Variants in ITSN1 observed in about 807,000 individuals in gnomAD.
The protein encoded by ITSN1 is intersectin 1.
ITSN1 carries 58 observed loss-of-function variants against 239.8 expected under a neutral mutation model. The observed-to-expected ratio is 0.24, with a 90% confidence interval of 0.20 to 0.30. The LOEUF is 0.30. ITSN1 is among the 10% of genes least tolerant of loss of function. ITSN1 has a pLI of 1.00. For missense variants in ITSN1, 1,558 were observed against 2,103.3 expected, an observed-to-expected ratio of 0.74 and a Z score of 5.07; for synonymous variants, 780 against 770.8, an observed-to-expected ratio of 1.01 and a Z score of -0.20.
rs9984662 is a variant in ITSN1, at chr21:33,892,504, C to A, written c.*4204C>A. ...TTTTCAGTTCATTTGTTCAAATGAC[C>A]CAGAAGATGAATCCATTTCTGGGAA... On this transcript the variant is annotated 3_prime_UTR_variant, in exon 40 of 40. Transcript: ENST00000381318. 0.32 allele frequency: 48,969 copies of A among 151,992 alleles called. 8,037 individuals are homozygous for A. Among genetic ancestry groups the A allele is most frequent in the African/African-American group, 0.39 (16,151 of 41,428 alleles). The allele number at this position is 151,992 out of a possible 1,614,324, so 9.4% of individuals were successfully genotyped here.
chr21:33,748,458 G>GA (rs776478365), intron 5 of ITSN1, among the ~76,000 whole-genome samples: 1 of 150,744 alleles, frequency 6.6e-6, no homozygotes, highest in African/African-American at 2.4e-5. Flanking sequence ...AATAATAAAA[G>GA]AAAAAAAAGA....
intron 1 of ITSN1, among the ~76,000 whole-genome samples, chr21:33,676,537 C>A (rs755825849): frequency 2.0e-5 from 3 of 152,172 alleles, no homozygotes; most frequent in Non-Finnish European, 2.9e-5. Flanking sequence ...CTCTGCCACA[C>A]TTCCATGATT....
chr21:33,860,980 G>T (rs964464863), intron 31 of ITSN1, among the ~76,000 whole-genome samples: 9 of 152,120 alleles, frequency 5.9e-5, no homozygotes, highest in Middle Eastern at 3.2e-3. Context: ...CCATCCCAAG[G>T]TTCTCTATCC....
chr21:33,650,043 A>AG (rs892624448), intron 1 of ITSN1, among the ~76,000 whole-genome samples: 5 of 151,818 alleles, frequency 3.3e-5, no homozygotes, highest in African/African-American at 1.2e-4. Context: ...AAAAAAAAAA[A>AG]AAAGAAAGAA....
At chr21:33,653,000 T>C (rs1390033177) in intron 1 of ITSN1, among the ~76,000 whole-genome samples, 1 of 149,800 alleles carries the variant, frequency 6.7e-6, no homozygotes, top group Non-Finnish European at 1.5e-5. Flanking sequence ...GGAAGTTCTT[T>C]TTTTTTTTTT....
intron 20 of ITSN1, among the ~76,000 whole-genome samples, chr21:33,807,538 A>G (rs1427360942): frequency 2.0e-5 from 3 of 152,142 alleles, no homozygotes; most frequent in African/African-American, 7.2e-5. Flanking sequence ...GGGTTTCACC[A>G]GCCTGAAACT....
intron 22 of ITSN1, among the ~76,000 whole-genome samples, chr21:33,815,916 G>A (rs898841137): frequency 2.6e-5 from 4 of 152,144 alleles, no homozygotes; most frequent in Non-Finnish European, 5.9e-5. Flanking sequence ...GGGCCGGCGC[G>A]GTGGCTCATG....
chr21:33,720,376 C>T (rs1055898125), intron 2 of ITSN1, among the ~76,000 whole-genome samples: 2 of 152,118 alleles, frequency 1.3e-5, no homozygotes, highest in African/African-American at 4.8e-5. Context: ...TGGAAGGTGT[C>T]CGAGCTTTTG....
chr21:33,754,797 C>G (rs1286543024), intron 7 of ITSN1, among the ~76,000 whole-genome samples: 3 of 152,326 alleles, frequency 2.0e-5, no homozygotes, highest in Non-Finnish European at 4.4e-5. Context: ...TGAATTTAAA[C>G]TTACCAGAAT....
intron 1 of ITSN1, among the ~76,000 whole-genome samples, chr21:33,672,320 C>G (rs1401652605): frequency 6.6e-6 from 1 of 151,970 alleles, no homozygotes; most frequent in East Asian, 1.9e-4. Flanking sequence ...TTCTATCATA[C>G]AATTAGTACA....
intron 1 of ITSN1, among the ~76,000 whole-genome samples, chr21:33,707,427 A>T (rs905063279): frequency 6.6e-6 from 1 of 152,142 alleles, no homozygotes; most frequent in South Asian, 2.1e-4. Flanking sequence ...TTAAATGTGT[A>T]TATTTAAAAA....
At chr21:33,650,416 C>A (rs1214829666) in intron 1 of ITSN1, among the ~76,000 whole-genome samples, 1 of 152,116 alleles carries the variant, frequency 6.6e-6, no homozygotes, top group Non-Finnish European at 1.5e-5. Flanking sequence ...TGTCTGTTTG[C>A]CTGTGTGTGT....
At chr21:33,732,863 T>C (rs558552202) in intron 4 of ITSN1, among the ~76,000 whole-genome samples, 35 of 152,302 alleles carry the variant, frequency 2.3e-4, no homozygotes, top group Admixed American at 5.9e-4. Flanking sequence ...TTCTTCAGAA[T>C]ACATTTAGCA....
intron 3 of ITSN1, among the ~76,000 whole-genome samples, chr21:33,721,507 G>A (rs1006212505): frequency 9.9e-5 from 15 of 152,056 alleles, no homozygotes; most frequent in Non-Finnish European, 4.4e-5. Flanking sequence ...ATGGGAATTG[G>A]TTAAGATCAA....
chr21:33,806,924 T>C (rs982358131), intron 20 of ITSN1, among the ~76,000 whole-genome samples: 2 of 152,200 alleles, frequency 1.3e-5, no homozygotes, highest in African/African-American at 4.8e-5. Flanking sequence ...GCATTTTGGG[T>C]AGTTTTCCAA....
intron 16 of ITSN1, among the ~76,000 whole-genome samples, chr21:33,782,941 T>C (rs1014990612): frequency 5.9e-5 from 9 of 151,926 alleles, no homozygotes; most frequent in Admixed American, 5.9e-4. Flanking sequence ...AGGAGAATGA[T>C]GTGAACCCAG....
intron 8 of ITSN1, chr21:33,756,986 A>C (rs1396308057): frequency 6.6e-6 from 1 of 151,848 alleles, no homozygotes; most frequent in East Asian, 1.9e-4. Flanking sequence ...GGCTGGTCTC[A>C]AACTCCTGAC....
intron 24 of ITSN1, among the ~76,000 whole-genome samples, chr21:33,820,794 G>C (rs541789284): frequency 1.2e-4 from 19 of 152,196 alleles, no homozygotes; most frequent in African/African-American, 4.3e-4. Flanking sequence ...AAGGCAAAAA[G>C]CTCCTTTAAA....
At chr21:33,739,783 T>C (rs114087687) in intron 5 of ITSN1, among the ~76,000 whole-genome samples, 532 of 152,288 alleles carry the variant, frequency 3.5e-3, no homozygotes, top group African/African-American at 0.012. Context: ...GCGTCGTAGC[T>C]GAAGCATGGG....
Sources: allele counts gnomAD v4.1 joint callset (sites outside exome capture counted in the v4.1 genomes callset), GRCh38; gene constraint gnomAD v4.1.1; transcripts MANE v1.5; gene names NCBI Gene and HGNC (gene_info 2026-07-23, HGNC 2026-07-21).